The following ADGRL3 variants were observed in gnomAD, a reference collection of about 807,000 sequenced individuals.
The protein encoded by ADGRL3 is adhesion G protein-coupled receptor L3, also known as calcium-independent alpha-latrotoxin receptor 3.
In ADGRL3, 62 loss-of-function variants were observed where a neutral mutation model predicts 153.5. The observed-to-expected ratio is 0.40, with a 90% CI of 0.33 to 0.50. The LOEUF (loss-of-function observed/expected upper bound fraction) is 0.50. Ranked by LOEUF, ADGRL3 falls within the 20% of genes least tolerant of loss-of-function variation. The probability of loss-of-function intolerance (pLI) is 0.47; values close to 1 mark genes in which losing one functional copy is unlikely to be tolerated. For missense variants in ADGRL3, 1,641 were observed against 1,859.4 expected (o/e 0.88, Z 2.16); for synonymous variants, 710 against 672.5 (o/e 1.06, Z -0.86).
At chr4:61,389,284 G>A (rs1489049604) in intron 2 of ADGRL3, among the ~76,000 whole-genome samples, 1 of 152,192 alleles carries the variant, frequency 6.6e-6, no homozygotes. Flanking sequence ...AGGTCTTAGT[G>A]ACTGATTGCA....
At chr4:61,597,085 T>G (rs76082497) in intron 5 of ADGRL3, among the ~76,000 whole-genome samples, 7,633 of 152,046 alleles carry the variant, frequency 0.05, 593 homozygotes, top group African/African-American at 0.17. Context: ...TTATGTGTTT[T>G]TGTTCTGGCT....
chr4:61,523,069 G>T (rs762063539), intron 4 of ADGRL3, among the ~76,000 whole-genome samples: 5 of 151,544 alleles, frequency 3.3e-5, no homozygotes, highest in Non-Finnish European at 7.4e-5. Context: ...GTGTGTGTGT[G>T]TGTGTCTGTG....
At chr4:61,710,782 G>A (rs1170037092) in intron 6 of ADGRL3, among the ~76,000 whole-genome samples, 1 of 152,052 alleles carries the variant, frequency 6.6e-6, no homozygotes, top group African/African-American at 2.4e-5. Context: ...GTAACTATTT[G>A]CTAATCCGAC....
At chr4:61,915,322 A>G (rs1429912367) in intron 13 of ADGRL3, among the ~76,000 whole-genome samples, 3 of 148,864 alleles carry the variant, frequency 2.0e-5, no homozygotes, top group East Asian at 1.9e-4. Context: ...ATATATCAAT[A>G]TATATCTATA....
intron 6 of ADGRL3, among the ~76,000 whole-genome samples, chr4:61,691,709 T>A (rs2151136751): frequency 6.6e-6 from 1 of 152,290 alleles, no homozygotes; most frequent in Non-Finnish European, 1.5e-5. Context: ...ATCATAAAAT[T>A]CTGAATACCA....
intron 1 of ADGRL3, among the ~76,000 whole-genome samples, chr4:61,257,836 GGTGT>G (rs10635406): frequency 0.047 from 7,007 of 150,580 alleles, 313 homozygotes; most frequent in African/African-American, 0.12. Context: ...TTGAATTAGA[GGTGT>G]GTGTGTGTGT....
intron 1 of ADGRL3, among the ~76,000 whole-genome samples, chr4:61,242,691 A>G (rs1755493410): frequency 1.3e-5 from 2 of 152,088 alleles, no homozygotes; most frequent in African/African-American, 2.4e-5. Flanking sequence ...CCCAGTACAC[A>G]TGTATTCACT....
intron 4 of ADGRL3, among the ~76,000 whole-genome samples, chr4:61,520,296 A>C (rs2098522060): frequency 6.6e-6 from 1 of 152,158 alleles, no homozygotes; most frequent in South Asian, 2.1e-4. Context: ...TTCAATCAGC[A>C]TATTTCTTGG....
At position 61,947,242 on chromosome 4, in the gene ADGRL3, C is replaced by G. The variant is rs114670678; in HGVS notation, c.2628+120C>G. 8.4e-4 allele frequency: 668 copies of G among 794,956 alleles called. 7 individuals are homozygous for G. The African/African-American group carries it at 0.011, about 13-fold the overall frequency. The allele number at this position is 794,956 out of a possible 1,614,324, so 49.2% of individuals were successfully genotyped here. On this transcript the variant is annotated intron_variant, in intron 16 of 26. Coordinates refer to ENST00000683033, the MANE Select transcript of ADGRL3 (RefSeq NM_001387552.1). Reference sequence around the variant, plus strand: ...TATTTGACATATAACAGTTCATTATCTGTACAATGTAGTGGTAATTTTTTT... The same window carrying G: ...TATTTGACATATAACAGTTCATTATGTGTACAATGTAGTGGTAATTTTTTT...
intron 1 of ADGRL3, among the ~76,000 whole-genome samples, chr4:61,319,381 G>A (rs2095307143): frequency 6.6e-6 from 1 of 152,002 alleles, no homozygotes; most frequent in South Asian, 2.1e-4. Flanking sequence ...TGAAAGCTTT[G>A]GTTATCTTTT....
intron 2 of ADGRL3, among the ~76,000 whole-genome samples, chr4:61,395,078 G>C (rs139207526): frequency 6.6e-6 from 1 of 151,854 alleles, no homozygotes; most frequent in South Asian, 2.1e-4. Context: ...AATAGATTAC[G>C]TTTCATTTCA....
chr4:61,982,700 T>C (rs1418807610), intron 18 of ADGRL3, among the ~76,000 whole-genome samples: 1 of 152,164 alleles, frequency 6.6e-6, no homozygotes, highest in Non-Finnish European at 1.5e-5. Flanking sequence ...ACCAAGCTTG[T>C]CTAAACCAAT....
intron 13 of ADGRL3, among the ~76,000 whole-genome samples, chr4:61,913,318 A>G (rs989167102): frequency 6.6e-6 from 1 of 152,182 alleles, no homozygotes; most frequent in African/African-American, 2.4e-5. Context: ...TGTAATTTAT[A>G]AGCAATAAAC....
chr4:61,678,994 G>A lies in ADGRL3; in HGVS notation c.583+2059G>A, dbSNP rs75267591. Among the ~76,000 whole-genome samples, 853 of 152,144 alleles carry A rather than the reference G, an allele frequency of 5.6e-3. 2 individuals are homozygous for A. The highest frequency in any genetic ancestry group is 9.1e-3 in the Non-Finnish European group (616 of 67,978). On this transcript the variant is annotated intron_variant, in intron 6 of 26. Transcript: ENST00000683033. Reference sequence around the variant, plus strand: ...AAGACAACCAGAGATCAGAGAGCATGGGTGCTTTTGTTAGTCTGTTTTGTG... The same window carrying A: ...AAGACAACCAGAGATCAGAGAGCATAGGTGCTTTTGTTAGTCTGTTTTGTG...
chr4:61,270,014 G>T (rs1292738910), intron 1 of ADGRL3, among the ~76,000 whole-genome samples: 1 of 151,612 alleles, frequency 6.6e-6, no homozygotes, highest in Non-Finnish European at 1.5e-5. Flanking sequence ...TTTCCAAATA[G>T]CATGGCAAAG....
intron 8 of ADGRL3, among the ~76,000 whole-genome samples, chr4:61,776,353 T>A (rs369771943): frequency 2.0e-5 from 3 of 152,180 alleles, no homozygotes; most frequent in Non-Finnish European, 2.9e-5. Context: ...GGTTTTGAGT[T>A]CTTTATTTTA....
chr4:61,248,949 A>C (rs370779323), intron 1 of ADGRL3, among the ~76,000 whole-genome samples: 1 of 152,210 alleles, frequency 6.6e-6, no homozygotes, highest in Non-Finnish European at 1.5e-5. Context: ...CGTGCACAGC[A>C]TAAAGCTTGA....
intron 3 of ADGRL3, among the ~76,000 whole-genome samples, chr4:61,503,116 C>T (rs554757981): frequency 6.6e-6 from 1 of 152,164 alleles, no homozygotes; most frequent in Non-Finnish European, 1.5e-5. Context: ...ACAATGTAAG[C>T]TACAAACATG....
chr4:62,008,544 A>G (rs1188777270), intron 21 of ADGRL3, among the ~76,000 whole-genome samples: 1 of 152,118 alleles, frequency 6.6e-6, no homozygotes. Context: ...ATAAGTATTC[A>G]GTGTGTTGAA....
Sources: gnomAD v4.1 joint callset for allele counts (sites outside exome capture counted in the v4.1 genomes callset) on GRCh38, gnomAD v4.1.1 for gene constraint, MANE v1.5 for transcripts, NCBI Gene and HGNC (gene_info 2026-07-23, HGNC 2026-07-21) for gene names.